SMYD3: variants seen among roughly 807,000 people sequenced by gnomAD.
The protein encoded by SMYD3 is SET and MYND domain containing 3, also known as histone-lysine N-methyltransferase SMYD3.
Under a neutral mutation model 57.7 loss-of-function variants are expected in SMYD3, and 36 were observed. That is an observed-to-expected ratio of 0.62 (90% CI 0.48 to 0.82). The LOEUF (loss-of-function observed/expected upper bound fraction) is 0.82. SMYD3 is among the 40% of genes least tolerant of loss of function. The pLI is 0.00. For synonymous variants in SMYD3, 211 were observed against 195.0 expected (o/e 1.08, Z -0.68); for missense variants, 515 against 538.8 (o/e 0.96, Z 0.44).
intron 5 of SMYD3, among the ~76,000 whole-genome samples, chr1:246,312,536 G>C (rs1272214306): frequency 6.6e-6 from 1 of 152,224 alleles, no homozygotes; most frequent in Admixed American, 6.5e-5. Context: ...GGCACGGCTG[G>C]CTCAGGAGAT....
At chr1:246,406,282 ATGTT>A (rs2066865295) in intron 1 of SMYD3, among the ~76,000 whole-genome samples, 1 of 152,162 alleles carries the variant, frequency 6.6e-6, no homozygotes. Flanking sequence ...AAATGACACA[ATGTT>A]TGTAAATCTA....
At chr1:246,011,947 C>T (rs745852529) in intron 5 of SMYD3, among the ~76,000 whole-genome samples, 28 of 152,238 alleles carry the variant, frequency 1.8e-4, no homozygotes, top group Non-Finnish European at 3.4e-4. Context: ...TCCACTGATA[C>T]CAGCTACCAA....
chr1:246,255,723 T>C (rs1025292594), intron 5 of SMYD3, among the ~76,000 whole-genome samples: 14 of 152,050 alleles, frequency 9.2e-5, no homozygotes, highest in African/African-American at 3.4e-4. Context: ...AGCTCCTATT[T>C]GTACAATACA....
intron 5 of SMYD3, among the ~76,000 whole-genome samples, chr1:246,057,188 G>A (rs1359499514): frequency 6.6e-6 from 1 of 152,138 alleles, no homozygotes; most frequent in East Asian, 1.9e-4. Flanking sequence ...ATTAAATAAT[G>A]GATGTGAAGT....
At chr1:245,882,383 G>A (rs182489125) in intron 8 of SMYD3, among the ~76,000 whole-genome samples, 77 of 152,214 alleles carry the variant, frequency 5.1e-4, no homozygotes, top group Admixed American at 1.4e-3. Flanking sequence ...TTATGTATTC[G>A]CAGCTCCCTA....
Position 246,505,659 on chromosome 1 carries a change from T to C in SMYD3, c.164+1395A>G, listed in dbSNP as rs575237661. On this transcript the variant is annotated intron_variant, in intron 1 of 11. Transcript: ENST00000490107. ...CTCTTTCATTAAATTCCTTTTTTGC[T>C]TAAATCCCCAGTTACTGCAAACAGG... Among the ~76,000 whole-genome samples, 16 of 115,768 alleles carry C rather than the reference T, an allele frequency of 1.4e-4. No homozygotes were observed. In the East Asian group the frequency reaches 2.8e-3, roughly 20 times the overall value. The allele number at this position is 115,768 out of a possible 152,430, so 75.9% of individuals were successfully genotyped here.
chr1:246,084,374 C>A (rs1183951912), intron 5 of SMYD3, among the ~76,000 whole-genome samples: 2 of 151,826 alleles, frequency 1.3e-5, no homozygotes, highest in Non-Finnish European at 2.9e-5. Flanking sequence ...CACCATCATG[C>A]CCAGCTATTT....
intron 5 of SMYD3, among the ~76,000 whole-genome samples, chr1:246,007,777 A>G (rs1038829916): frequency 6.6e-6 from 1 of 151,540 alleles, no homozygotes; most frequent in African/African-American, 2.4e-5. Flanking sequence ...TGATCACACC[A>G]CTGCACTCCA....
chr1:246,362,942 G>T (rs2066022534), intron 1 of SMYD3, among the ~76,000 whole-genome samples: 2 of 150,816 alleles, frequency 1.3e-5, no homozygotes, highest in Admixed American at 1.3e-4. Flanking sequence ...GATGTGAGGA[G>T]CCCCTCTGCC....
At chr1:246,107,943 TTCA>T (rs1295712539) in intron 5 of SMYD3, among the ~76,000 whole-genome samples, 3 of 152,228 alleles carry the variant, frequency 2.0e-5, no homozygotes, top group African/African-American at 7.2e-5. Context: ...ATATATCTAC[TTCA>T]TCATGTAATC....
rs367774615 is a variant in SMYD3, at chr1:246,306,769, C to CA, written c.531+20431dup. 2.0e-3 allele frequency among the ~76,000 whole-genome samples: 300 copies of CA among 152,290 alleles called. 2 individuals carry two copies. The highest frequency in any genetic ancestry group is 6.9e-3 in the African/African-American group (286 of 41,562). ...CACGCTAGACATTTTCATTACAGAA[C>CA]AAAACAGTCACAAGTTTACTAATCC... is the stretch of plus-strand genomic sequence containing the variant. On this transcript the variant is annotated intron_variant, in intron 5 of 11. Coordinates refer to ENST00000490107, the MANE Select transcript of SMYD3 (RefSeq NM_001167740.2).
At chr1:246,128,396 G>A (rs1173244448) in intron 5 of SMYD3, among the ~76,000 whole-genome samples, 1 of 152,208 alleles carries the variant, frequency 6.6e-6, no homozygotes, top group Non-Finnish European at 1.5e-5. Context: ...GCTGAAAAGT[G>A]TCTGGAACAG....
intron 3 of SMYD3, among the ~76,000 whole-genome samples, chr1:246,331,974 C>CAA (rs2065469160): frequency 6.6e-6 from 1 of 152,120 alleles, no homozygotes; most frequent in Non-Finnish European, 1.5e-5. Context: ...CGCCGACCGG[C>CAA]TTATTCCCAC....
intron 2 of SMYD3, among the ~76,000 whole-genome samples, chr1:246,353,641 A>G (rs1190288614): frequency 6.6e-6 from 1 of 152,262 alleles, no homozygotes. Flanking sequence ...GAGCAGTTAA[A>G]AGTCTGAATA....
intron 1 of SMYD3, among the ~76,000 whole-genome samples, chr1:246,494,338 C>A (rs1012142989): frequency 6.6e-6 from 1 of 152,216 alleles, no homozygotes; most frequent in Non-Finnish European, 1.5e-5. Context: ...ATCTCTACCA[C>A]TTATTTCACT....
chr1:246,335,874 A>C (rs2065535341), intron 2 of SMYD3, among the ~76,000 whole-genome samples: 1 of 152,234 alleles, frequency 6.6e-6, no homozygotes, highest in Non-Finnish European at 1.5e-5. Context: ...AACGTGGTTC[A>C]GAAGACTCAA....
At position 245,999,934 on chromosome 1, in the gene SMYD3, G is replaced by A. The variant is rs146299110; in HGVS notation, c.532-69997C>T. 7.5e-3 allele frequency among the ~76,000 whole-genome samples: 1,136 copies of A among 152,274 alleles called. 19 individuals are homozygous for A. Among genetic ancestry groups the A allele is most frequent in the African/African-American group, 0.026 (1,068 of 41,552 alleles). ...TAATGAGTACCTGCTAGGCACCAGG[G>A]AACATGCTGGCTAGTTCACTCAACG... On this transcript the variant is annotated intron_variant, in intron 5 of 11. Coordinates refer to ENST00000490107, the MANE Select transcript of SMYD3 (RefSeq NM_001167740.2).
At chr1:246,161,609 G>C (rs1298620389) in intron 5 of SMYD3, among the ~76,000 whole-genome samples, 8 of 152,176 alleles carry the variant, frequency 5.3e-5, no homozygotes, top group Non-Finnish European at 1.5e-5. Context: ...TCCGCGAATA[G>C]ATGTACCCAC....
At chr1:245,934,322 C>T (rs1538298) in intron 5 of SMYD3, among the ~76,000 whole-genome samples, 141,387 of 152,216 alleles carry the variant, frequency 0.93, 65,867 homozygotes, top group East Asian at 0.99. Context: ...GCCTCTGCCC[C>T]CCGGCACCCC....
Sources: gnomAD v4.1 joint callset for allele counts (sites outside exome capture counted in the v4.1 genomes callset) on GRCh38, gnomAD v4.1.1 for gene constraint, MANE v1.5 for transcripts, NCBI Gene and HGNC (gene_info 2026-07-23, HGNC 2026-07-21) for gene names.